The following CHPF2 variants were observed in gnomAD, a reference collection of about 807,000 sequenced individuals.
CHPF2 encodes the protein chondroitin polymerizing factor 2, also known as chondroitin polymerizing factor 2, non-catalytic subunit.
In CHPF2, 58 loss-of-function variants were observed where a neutral mutation model predicts 63.0. That is an observed-to-expected ratio of 0.92 (90% CI 0.75 to 1.15). The LOEUF (loss-of-function observed/expected upper bound fraction) is 1.15, where lower values mean the gene tolerates loss of function less well. Ranked by LOEUF, CHPF2 falls within the 50% of genes most tolerant of loss-of-function variation. The pLI is 0.00. For missense variants in CHPF2, 1,045 were observed against 1,035.4 expected, an observed-to-expected ratio of 1.01 and a Z score of -0.13; for synonymous variants, 442 against 438.0, an observed-to-expected ratio of 1.01 and a Z score of -0.11.
rs1265194600 is a variant in CHPF2 at position 151,235,259 on chromosome 7, C to T, written c.475C>T (p.Leu159Phe). The change falls in exon 2 of 4, where the codon CTC (leucine) becomes TTC (phenylalanine). Residue 159 changes from leucine to phenylalanine, a missense_variant. Transcript: ENST00000035307. ...VSHGDERPAWLMSETLRHLHT... is the reference protein window; with the variant it reads ...VSHGDERPAWFMSETLRHLHT... ...TCATGGGGATGAGCGGCCCGCCTGG[C>T]TCATGTCAGAGACCCTGCGCCACCT... 1 of 1,613,342 alleles carries T rather than the reference C, an allele frequency of 6.2e-7. No homozygotes were observed. Among genetic ancestry groups the T allele is most frequent in the East Asian group, 2.2e-5 (1 of 44,870 alleles).
intron 2 of CHPF2, 118 bp downstream of exon 2, chr7:151,235,730 T>C (rs1382069647): frequency 2.1e-6 from 2 of 974,428 alleles, no homozygotes; most frequent in African/African-American, 3.2e-5. Context: ...CACTGGCCGC[T>C]CTGTGGGCCC....
Position 151,235,094 on chromosome 7 carries a change from G to A in CHPF2, c.310G>A (p.Val104Met), listed in dbSNP as rs532417919. The A allele has an allele frequency of 4.4e-6, 7 of 1,587,958 alleles. No homozygotes were observed. In the South Asian group the frequency reaches 7.9e-5, roughly 18 times the overall value. ...GCTGGGCTCCCGTGAGCGGTTGCTG[G>A]TGGCTGTCCTGACCTCCCGAGCTAC... ...TELGSRERLL[V>M]AVLTSRATLS... The change falls in exon 2 of 4, where the codon GTG (valine) becomes ATG (methionine). Residue 104 changes from valine to methionine, a missense_variant. Coordinates refer to ENST00000035307, the MANE Select transcript of CHPF2 (RefSeq NM_019015.3).
rs1802541390 is a variant in CHPF2 at position 151,233,698 on chromosome 7, T to G, written c.-314T>G. On this transcript the variant is annotated 5_prime_UTR_variant, in exon 1 of 4. Coordinates refer to ENST00000035307, the MANE Select transcript of CHPF2 (RefSeq NM_019015.3). ...AGCTTTGGCAGTATTGAGTTTTACT[T>G]CCTCCTCTTTTTAGTGGAAGACAGA... is the stretch of plus-strand genomic sequence containing the variant. The G allele has an allele frequency of 9.1e-7, 1 of 1,100,520 alleles. No homozygotes were observed. Among genetic ancestry groups the G allele is most frequent in the Non-Finnish European group, 1.1e-6 (1 of 905,262 alleles). The allele number at this position is 1,100,520 out of a possible 1,614,324, so 68.2% of individuals were successfully genotyped here.
chr7:151,236,927 C>G (rs1802673797), intron 3 of CHPF2: 1 of 531,164 alleles, frequency 1.9e-6, no homozygotes, highest in Non-Finnish European at 3.6e-6. Flanking sequence ...ACTGAGGAGG[C>G]AAAAACTCTG....
chr7:151,235,435 C>G lies in CHPF2; in HGVS notation c.651C>G (p.Gly217=), dbSNP rs540749158. 3.1e-6 allele frequency: 5 copies of G among 1,612,042 alleles called. No individual in the cohort carries two copies. The highest frequency in any genetic ancestry group is 4.2e-6 in the Non-Finnish European group (5 of 1,180,030). Residue 217 remains glycine, a synonymous_variant, in exon 2 of 4, where the codon GGC becomes GGG. Coordinates refer to ENST00000035307, the MANE Select transcript of CHPF2 (RefSeq NM_019015.3). The part of the protein sequence containing the change: ...LGRAEEFIGA[G]EQARYCHGGF... ...GGGCAGAGGAGTTCATTGGCGCAGGCGAGCAGGCCCGGTACTGTCATGGGG... is the reference window on the plus strand; with the variant it reads ...GGGCAGAGGAGTTCATTGGCGCAGGGGAGCAGGCCCGGTACTGTCATGGGG...
intron 1 of CHPF2, among the ~76,000 whole-genome samples, chr7:151,234,633 A>G (rs532128873): frequency 6.6e-5 from 10 of 152,284 alleles, no homozygotes; most frequent in South Asian, 4.1e-4. Context: ...CTGGTATTAC[A>G]GGTGCACACC....
At position 151,237,807 on chromosome 7, in the gene CHPF2, A is replaced by G. The variant is rs564817361; in HGVS notation, c.1445A>G (p.Tyr482Cys). ...LSRVEILPMP[Y>C]VTEATRVQLV... ...CGGGTGGAAATCCTACCTATGCCCT[A>G]TGTCACTGAGGCCACCCGAGTGCAG... The change falls in exon 4 of 4, where the codon TAT becomes TGT. Residue 482 changes from tyrosine (Y) to cysteine (C), a missense_variant. Tyr to Cys is a radical substitution (Grantham distance 194). Transcript: ENST00000035307. 3.1e-6 allele frequency: 5 copies of G among 1,612,638 alleles called. No homozygotes were observed. Among genetic ancestry groups the G allele is most frequent in the African/African-American group, 1.3e-5 (1 of 75,038 alleles).
intron 1 of CHPF2, among the ~76,000 whole-genome samples, chr7:151,234,513 C>T (rs983038221): frequency 2.0e-5 from 3 of 152,080 alleles, no homozygotes; most frequent in Non-Finnish European, 2.9e-5. Flanking sequence ...TGTTTTGAGA[C>T]GGAGTCTTGC....
At position 151,232,500 on chromosome 7, in the gene CHPF2, G is replaced by T; in HGVS notation, c.-1512G>T. The T allele has an allele frequency of 2.0e-6, 1 of 489,754 alleles. No individual in the cohort carries two copies. Among genetic ancestry groups the T allele is most frequent in the South Asian group, 2.7e-5 (1 of 36,954 alleles). The allele number at this position is 489,754 out of a possible 1,614,324, so 30.3% of individuals were successfully genotyped here. ...GCAGCGGAAGAGGAAGCTGCGGACA[G>T]GGGCTGTGAGGTGGCAGCGGCTGCA... On this transcript the variant is annotated 5_prime_UTR_variant, in exon 1 of 4. The change creates a new upstream start codon in the 5' untranslated region. Transcript: ENST00000035307.
Position 151,234,232 on chromosome 7 carries a change from C to T in CHPF2, c.221C>T (p.Pro74Leu). The T allele has an allele frequency of 1.2e-6, 2 of 1,609,020 alleles. No homozygotes were observed. The highest frequency in any genetic ancestry group is 1.7e-6 in the Non-Finnish European group (2 of 1,177,512). Residue 74 changes from proline to leucine, a missense_variant, in exon 1 of 4, where the codon CCC (proline) becomes CTC (leucine). Pro to Leu is a moderately conservative substitution (Grantham distance 98). Coordinates refer to ENST00000035307, the MANE Select transcript of CHPF2 (RefSeq NM_019015.3). ...GAAGACTTCAAACCCCGGATTGTCC[C>T]CTACTACAGGGACCCCAACAAGCCC... is the stretch of plus-strand genomic sequence containing the variant. ...SDEDFKPRIV[P>L]YYRDPNKPYK...
chr7:151,232,679 G>A lies in CHPF2; in HGVS notation c.-1333G>A. On this transcript the variant is annotated 5_prime_UTR_variant, in exon 1 of 4. Transcript: ENST00000035307. ...GGGAGACCCCGGCCGTCCTTTATCC[G>A]GTGTCCGCCGGCCCCCGGCCCTGAA... The A allele has an allele frequency of 7.3e-7, 1 of 1,378,628 alleles. No homozygotes were observed. Among genetic ancestry groups the A allele is most frequent in the Admixed American group, 2.3e-5 (1 of 44,442 alleles). 85.4% of individuals were successfully genotyped at this position (1,378,628 alleles called of 1,614,324 possible). A position where few individuals can be genotyped will look rare whatever the true frequency, so the allele number is the denominator to read the frequency against.
In CHPF2 at chr7:151,237,535, C is replaced by T. The variant is rs113523875; in HGVS notation, c.1173C>T (p.Pro391=). ...QHTFSCADGA[P]KCPLQGASRA... ...CCTTCTCCTGTGCAGATGGGGCTCC[C>T]AAGTGCCCACTACAGGGGGCTAGCA... is the stretch of plus-strand genomic sequence containing the variant. The change falls in exon 4 of 4, where the codon CCC becomes CCT. Residue 391 remains proline (P), a synonymous_variant. Transcript: ENST00000035307. 5.0e-6 allele frequency: 8 copies of T among 1,613,898 alleles called. No homozygotes were observed. In the African/African-American group the frequency reaches 6.7e-5, roughly 13 times the overall value.
intron 2 of CHPF2, 67 bp downstream of exon 2, chr7:151,235,679 T>C: frequency 5.6e-6 from 8 of 1,416,980 alleles, no homozygotes; most frequent in Non-Finnish European, 7.8e-6. Context: ...TTGGCCTTCC[T>C]CCCAGCAGCA....
In CHPF2 at chr7:151,235,523, C is replaced by G. The variant is rs750621242; in HGVS notation, c.739C>G (p.Arg247Gly). ...TCTGCGGCCACATCTGGATGGCTGC[C>G]GAGGAGACATTCTCAGTGCCCGTCC... ...LRLRPHLDGC[R>G]GDILSARPDE... is the part of the protein sequence containing the mutation. The change falls in exon 2 of 4, where the codon CGA (arginine) becomes GGA (glycine). Residue 247 changes from arginine to glycine, a missense_variant. Coordinates refer to ENST00000035307, the MANE Select transcript of CHPF2 (RefSeq NM_019015.3). 3 of 1,611,326 alleles carry G rather than the reference C, an allele frequency of 1.9e-6. No homozygotes were observed. Among genetic ancestry groups the G allele is most frequent in the South Asian group, 2.2e-5 (2 of 91,078 alleles).
chr7:151,237,467 C>A lies in CHPF2; in HGVS notation c.1105C>A (p.Arg369Ser). ...GLPAPFTPHS[R>S]FEVLGWDYFT... ...CCCTGCTCCTTTCACACCACACTCT[C>A]GCTTTGAGGTGCTGGGCTGGGACTA... The change falls in exon 4 of 4, where the codon CGC becomes AGC. Residue 369 changes from arginine to serine, a missense_variant. Arg to Ser is a moderately radical substitution (Grantham distance 110, BLOSUM62 -1). Transcript: ENST00000035307. The A allele has an allele frequency of 6.2e-7, 1 of 1,613,980 alleles. No individual in the cohort carries two copies. Among genetic ancestry groups the A allele is most frequent in the Non-Finnish European group, 8.5e-7 (1 of 1,179,990 alleles).
At position 151,238,633 on chromosome 7, in the gene CHPF2, C is replaced by T. The variant is rs1321942845; in HGVS notation, c.2271C>T (p.Ala757=). 4 of 1,611,472 alleles carry T rather than the reference C, an allele frequency of 2.5e-6. No individual in the cohort carries two copies. In the South Asian group the frequency reaches 3.3e-5, roughly 13 times the overall value. Reference sequence around the variant, plus strand: ...ACCTGGAGGGGCTAGGGGGCCGTGCCCAGCTGGCTATGGCTCTCTTTGAGC... The same window carrying T: ...ACCTGGAGGGGCTAGGGGGCCGTGCTCAGCTGGCTATGGCTCTCTTTGAGC... The part of the protein sequence containing the change: ...LSNLEGLGGR[A]QLAMALFEQE... Residue 757 remains alanine (A), a synonymous_variant, in exon 4 of 4, where the codon GCC becomes GCT. Coordinates refer to ENST00000035307, the MANE Select transcript of CHPF2 (RefSeq NM_019015.3).
intron 1 of CHPF2, 89 bp from the exon 2 acceptor site, chr7:151,234,959 A>G (rs767150946): frequency 9.4e-5 from 98 of 1,041,388 alleles, no homozygotes; most frequent in Middle Eastern, 2.1e-4. Context: ...CTCAGCCCCA[A>G]CTCACTCCTA....
Position 151,235,398 on chromosome 7 carries a change from T to C in CHPF2, c.614T>C (p.Leu205Pro), listed in dbSNP as rs775933720. 2 of 1,613,348 alleles carry C rather than the reference T, an allele frequency of 1.2e-6. No individual in the cohort carries two copies. Residue 205 changes from leucine (L) to proline (P), a missense_variant, in exon 2 of 4, where the codon CTG becomes CCG. By Grantham distance (98) the Leu-to-Pro change is moderately conservative (BLOSUM62 -3). Coordinates refer to ENST00000035307, the MANE Select transcript of CHPF2 (RefSeq NM_019015.3). The part of the protein sequence containing the change: ...LAGHLSINQD[L>P]YLGRAEEFIG... ...GGCCACCTCAGCATCAACCAAGACC[T>C]GTACTTAGGCCGGGCAGAGGAGTTC...
chr7:151,236,916 C>T (rs775600115), intron 3 of CHPF2: 8 of 538,000 alleles, frequency 1.5e-5, no homozygotes, highest in African/African-American at 3.8e-5. Flanking sequence ...AGTGCCTGTC[C>T]ACTGAGGAGG....
Sources: allele counts gnomAD v4.1 joint callset (sites outside exome capture counted in the v4.1 genomes callset), GRCh38; gene constraint gnomAD v4.1.1; transcripts MANE v1.5; gene names NCBI Gene and HGNC (gene_info 2026-07-23, HGNC 2026-07-21).